Variants in CREB5 observed in about 807,000 individuals in gnomAD.
The protein encoded by CREB5 is cAMP responsive element binding protein 5, also known as cyclic AMP-responsive element-binding protein 5.
In CREB5, 19 loss-of-function variants were observed where a neutral mutation model predicts 57.1. The observed-to-expected ratio is 0.33, with a 90% CI of 0.23 to 0.49. CREB5 has a LOEUF of 0.49. Ranked by LOEUF, CREB5 falls within the 20% of genes least tolerant of loss-of-function variation. The pLI is 0.99. For synonymous variants in CREB5, 238 were observed against 238.3 expected, an observed-to-expected ratio of 1.00 and a Z score of 0.01; for missense variants, 579 against 671.6, an observed-to-expected ratio of 0.86 and a Z score of 1.52.
In CREB5 at chr7:28,821,124, TAATG is replaced by T. The variant is rs1562666337; in HGVS notation, c.*1846_*1849del. The T allele has an allele frequency of 1.4e-4, 12 of 84,786 alleles. No homozygotes were observed. 5.3% of individuals were successfully genotyped at this position (84,786 alleles called of 1,614,324 possible). Reference sequence around the variant, plus strand: ...ATCTCCATTTGAATGCTTGACCTCTTAATGTGTGTGTGTGTGTGTGTGTGTGTGT... The same window carrying T: ...ATCTCCATTTGAATGCTTGACCTCTTTGTGTGTGTGTGTGTGTGTGTGTGT... On this transcript the variant is annotated 3_prime_UTR_variant, in exon 11 of 11. Coordinates refer to ENST00000357727, the MANE Select transcript of CREB5 (RefSeq NM_182898.4).
chr7:28,319,117 G>T (rs1450752131), intron 1 of CREB5, among the ~76,000 whole-genome samples: 1 of 152,080 alleles, frequency 6.6e-6, no homozygotes, highest in African/African-American at 2.4e-5. Flanking sequence ...CTTGAGACCT[G>T]TTCCCCAGCT....
chr7:28,515,559 TAC>T (rs1228840443), intron 4 of CREB5, among the ~76,000 whole-genome samples: 3 of 152,106 alleles, frequency 2.0e-5, no homozygotes, highest in African/African-American at 7.2e-5. Context: ...GGCTTTCCCA[TAC>T]AAACTCACCA....
At chr7:28,350,977 A>G (rs979417028) in intron 1 of CREB5, among the ~76,000 whole-genome samples, 3 of 152,232 alleles carry the variant, frequency 2.0e-5, no homozygotes, top group South Asian at 2.1e-4. Context: ...CTCAACAGTT[A>G]CCATGGACTT....
chr7:28,466,403 C>T (rs1019601014), intron 1 of CREB5, among the ~76,000 whole-genome samples: 3 of 152,122 alleles, frequency 2.0e-5, no homozygotes, highest in Admixed American at 6.5e-5. Flanking sequence ...AGCCTGTAGG[C>T]GTTGCAGTTG....
chr7:28,367,537 C>T (rs1264882069), intron 1 of CREB5, among the ~76,000 whole-genome samples: 4 of 152,282 alleles, frequency 2.6e-5, no homozygotes, highest in Middle Eastern at 3.4e-3. Flanking sequence ...AGGCCGGGCA[C>T]GGTAGCTCAT....
At chr7:28,323,748 AC>A (rs1343574636) in intron 1 of CREB5, among the ~76,000 whole-genome samples, 1 of 152,210 alleles carries the variant, frequency 6.6e-6, no homozygotes, top group Non-Finnish European at 1.5e-5. Flanking sequence ...CAAGTGCAGT[AC>A]CTTTATTGTG....
intron 5 of CREB5, among the ~76,000 whole-genome samples, chr7:28,638,487 T>C (rs903407861): frequency 6.6e-6 from 1 of 151,844 alleles, no homozygotes; most frequent in Non-Finnish European, 1.5e-5. Flanking sequence ...GCTGAGACCA[T>C]AGGCACCTAC....
intron 9 of CREB5, among the ~76,000 whole-genome samples, chr7:28,816,049 A>G (rs1809418263): frequency 7.4e-6 from 1 of 134,830 alleles, no homozygotes; most frequent in African/African-American, 2.8e-5. Flanking sequence ...TGAAGCAAAT[A>G]TATACGCACA....
At chr7:28,655,161 C>T (rs575422294) in intron 5 of CREB5, among the ~76,000 whole-genome samples, 1 of 152,108 alleles carries the variant, frequency 6.6e-6, no homozygotes, top group African/African-American at 2.4e-5. Flanking sequence ...TGTCAGCCCC[C>T]CAAAGTGCTG....
At chr7:28,466,474 T>C (rs1343653350) in intron 1 of CREB5, among the ~76,000 whole-genome samples, 1 of 152,174 alleles carries the variant, frequency 6.6e-6, no homozygotes, top group African/African-American at 2.4e-5. Context: ...TTTTCTCCTC[T>C]GTAAATTGGG....
At chr7:28,737,565 ATATATAT>A (rs1804083463) in intron 7 of CREB5, among the ~76,000 whole-genome samples, 1 of 110,398 alleles carries the variant, frequency 9.1e-6, no homozygotes, top group African/African-American at 3.0e-5. Flanking sequence ...ATATATATAT[ATATATAT>A]ATATATATAT....
intron 7 of CREB5, among the ~76,000 whole-genome samples, chr7:28,802,804 A>G: frequency 6.6e-6 from 1 of 152,256 alleles, no homozygotes; most frequent in Non-Finnish European, 1.5e-5. Flanking sequence ...CCCGCTGCCT[A>G]ATTTTGTCCA....
chr7:28,623,254 C>T (rs1015085313), intron 5 of CREB5, among the ~76,000 whole-genome samples: 4 of 152,204 alleles, frequency 2.6e-5, no homozygotes, highest in African/African-American at 9.6e-5. Context: ...GGAATACAGG[C>T]ATACCTAGAA....
intron 5 of CREB5, among the ~76,000 whole-genome samples, chr7:28,646,283 C>G (rs1444640388): frequency 6.6e-6 from 1 of 152,084 alleles, no homozygotes; most frequent in Non-Finnish European, 1.5e-5. Context: ...TTTCCATGAG[C>G]AATTTTTCAG....
intron 7 of CREB5, among the ~76,000 whole-genome samples, chr7:28,770,527 T>A (rs1806265073): frequency 6.6e-6 from 1 of 152,212 alleles, no homozygotes; most frequent in African/African-American, 2.4e-5. Context: ...TCATGATCCA[T>A]TTTTTATCTG....
At chr7:28,656,494 C>G (rs1255104023) in intron 5 of CREB5, among the ~76,000 whole-genome samples, 1 of 152,168 alleles carries the variant, frequency 6.6e-6, no homozygotes, top group African/African-American at 2.4e-5. Flanking sequence ...TGCAATATTT[C>G]TAAGTTAAAA....
intron 1 of CREB5, among the ~76,000 whole-genome samples, chr7:28,427,826 G>A (rs1032931605): frequency 2.6e-5 from 4 of 152,080 alleles, no homozygotes; most frequent in Non-Finnish European, 5.9e-5. Context: ...AAGGACTTCC[G>A]GAGATGGCTA....
chr7:28,776,207 G>T (rs1262625802), intron 7 of CREB5, among the ~76,000 whole-genome samples: 1 of 151,912 alleles, frequency 6.6e-6, no homozygotes, highest in South Asian at 2.1e-4. Context: ...GTGTGGTGGC[G>T]GGCGCCTGTA....
At chr7:28,410,485 C>G, upstream of CREB5, 1 of 456,724 alleles carries the variant, frequency 2.2e-6, no homozygotes, top group Non-Finnish European at 4.4e-6. Flanking sequence ...GATGTTTTCT[C>G]TCAGCAGCTG....
Sources: allele counts gnomAD v4.1 joint callset (sites outside exome capture counted in the v4.1 genomes callset), GRCh38; gene constraint gnomAD v4.1.1; transcripts MANE v1.5; gene names NCBI Gene and HGNC (gene_info 2026-07-23, HGNC 2026-07-21).